MYH13: variants seen among roughly 807,000 people sequenced by gnomAD.
MYH13 encodes the protein myosin-13.
In MYH13, 177 loss-of-function variants were observed where a neutral mutation model predicts 232.1. That is an observed-to-expected ratio of 0.76 (90% CI 0.67 to 0.86). The LOEUF is 0.86. Ranked by LOEUF, MYH13 falls within the 40% of genes least tolerant of loss-of-function variation. The probability of loss-of-function intolerance (pLI) is 0.00; values close to 1 mark genes in which losing one functional copy is unlikely to be tolerated. For synonymous variants in MYH13, 884 were observed against 923.5 expected (o/e 0.96, Z 0.78); for missense variants, 2,246 against 2,405.9 (o/e 0.93, Z 1.39).
intron 7 of MYH13, among the ~76,000 whole-genome samples, chr17:10,359,640 T>A (rs987369590): frequency 2.0e-5 from 3 of 152,198 alleles, no homozygotes; most frequent in African/African-American, 7.2e-5. Context: ...GTCCCTGGTA[T>A]CCAAAGTGGG....
rs779678207 is a variant in MYH13, at chr17:10,354,889, G to C, written c.901+6C>G. ...GGAACATAAGAAAGGTATTCCAAGA[G>C]CTTACCAATTAGTTCTGGCTTCTTG... On this transcript the variant is annotated splice_donor_region_variant and intron_variant, in intron 10 of 40. Coordinates refer to ENST00000252172, the MANE Select transcript of MYH13 (RefSeq NM_003802.3). The C allele has an allele frequency of 2.6e-5, 42 of 1,594,902 alleles. No individual in the cohort carries two copies. In the Admixed American group the frequency reaches 6.8e-4, roughly 26 times the overall value.
At position 10,309,275 on chromosome 17, in the gene MYH13, G is replaced by A; in HGVS notation, c.5128C>T (p.Leu1710=). The stretch of plus-strand genomic sequence containing the variant: ...TGCACGCGGTCGCTGGCGTCCAGCA[G>A]CTCCTGCTCTGACAGCCTGCGGGTC... ...ERTRRLSEQE[L]LDASDRVQLL... The change falls in exon 35 of 41, where the codon CTG becomes TTG. Residue 1710 remains leucine (L), a synonymous_variant. Coordinates refer to ENST00000252172, the MANE Select transcript of MYH13 (RefSeq NM_003802.3). 6.2e-7 allele frequency: 1 copy of A among 1,613,818 alleles called. No individual in the cohort carries two copies. The highest frequency in any genetic ancestry group is 8.5e-7 in the Non-Finnish European group (1 of 1,179,850).
intron 12 of MYH13, 110 bp downstream of exon 12, chr17:10,350,446 T>C: frequency 6.8e-7 from 1 of 1,464,092 alleles, no homozygotes; most frequent in South Asian, 1.3e-5. Context: ...ATTTGATTTA[T>C]GCAGTTTTGG....
At chr17:10,323,365 G>A (rs1050982622) in intron 23 of MYH13, among the ~76,000 whole-genome samples, 2 of 152,096 alleles carry the variant, frequency 1.3e-5, no homozygotes, top group Non-Finnish European at 2.9e-5. Flanking sequence ...AGGCCTTCTT[G>A]TTTGCAATCC....
At chr17:10,315,595 C>A in intron 29 of MYH13, 98 bp downstream of exon 29, 1 of 1,083,592 alleles carries the variant, frequency 9.2e-7, no homozygotes, top group Non-Finnish European at 1.3e-6. Context: ...TGCCCAGCTG[C>A]AGCAGATTTC....
In MYH13 at chr17:10,328,062, G is replaced by A. The variant is rs1907278547; in HGVS notation, c.2495C>T (p.Pro832Leu). The part of the protein sequence containing the change: ...IRSFMNVKHW[P>L]WMNLFFKIKP... Reference sequence around the variant, plus strand: ...GATTTTGAAGAACAGGTTCATCCAGGGCCAGTGCTTGACGTTCATAAAAGA... The same window carrying A: ...GATTTTGAAGAACAGGTTCATCCAGAGCCAGTGCTTGACGTTCATAAAAGA... Residue 832 changes from proline to leucine, a missense_variant, in exon 22 of 41, where the codon CCC becomes CTC. Transcript: ENST00000252172. 6.2e-7 allele frequency: 1 copy of A among 1,613,976 alleles called. No homozygotes were observed. The highest frequency in any genetic ancestry group is 1.3e-5 in the African/African-American group (1 of 74,890).
chr17:10,354,722 C>G lies in MYH13; in HGVS notation c.963G>C (p.Thr321=), dbSNP rs200187139. ...CTTCACTGTCATCGATACTGGCTAC[C>G]GTGACCTCTCCTTGGCTCACGAAGG... ...DFPFVSQGEV[T]VASIDDSEEL... The change falls in exon 11 of 41, where the codon ACG becomes ACC. Residue 321 remains threonine (T), a synonymous_variant. Transcript: ENST00000252172. 2 of 1,613,784 alleles carry G rather than the reference C, an allele frequency of 1.2e-6. No individual in the cohort carries two copies. The highest frequency in any genetic ancestry group is 2.2e-5 in the East Asian group (1 of 44,884).
intron 8 of MYH13, 115 bp downstream of exon 8, chr17:10,357,620 T>C (rs2071758768): frequency 1.2e-6 from 1 of 844,188 alleles, no homozygotes; most frequent in Admixed American, 2.3e-5. Context: ...CTCAATCACT[T>C]GGGGGTAGAA....
At chr17:10,309,114 C>T (rs750400514) in intron 35 of MYH13, 120 bp downstream of exon 35, 4 of 1,017,074 alleles carry the variant, frequency 3.9e-6, no homozygotes, top group African/African-American at 1.6e-5. Flanking sequence ...TGGGAGAAAC[C>T]GGGTGCTCCT....
intron 35 of MYH13, among the ~76,000 whole-genome samples, chr17:10,308,590 G>C (rs948951661): frequency 5.3e-5 from 8 of 151,636 alleles, no homozygotes; most frequent in African/African-American, 1.9e-4. Flanking sequence ...GCCTAAGAAT[G>C]AGAGACCCCA....
intron 2 of MYH13, among the ~76,000 whole-genome samples, chr17:10,370,886 A>T (rs1031672856): frequency 1.3e-5 from 2 of 152,174 alleles, no homozygotes; most frequent in African/African-American, 4.8e-5. Context: ...CAGCAAAGTT[A>T]GCCTTTGTGT....
rs752953353 is a variant in MYH13, at chr17:10,319,034, A to G, written c.3494T>C (p.Ile1165Thr). The change falls in exon 27 of 41, where the codon ATT becomes ACT. Residue 1165 changes from isoleucine to threonine, a missense_variant. Ile to Thr is a moderately conservative substitution (Grantham distance 89, BLOSUM62 -1). Transcript: ENST00000252172. ...EEASGATSAQ[I>T]EMNKKREAEF... ...AGCCTCCCTCTTCTTGTTCATCTCA[A>G]TCTGGGCTGAAGTGGCCCCACTGGC... 2.5e-6 allele frequency: 4 copies of G among 1,613,710 alleles called. No homozygotes were observed. Among genetic ancestry groups the G allele is most frequent in the East Asian group, 4.5e-5 (2 of 44,870 alleles).
At chr17:10,314,667 A>G (rs1906637468) in intron 29 of MYH13, among the ~76,000 whole-genome samples, 2 of 152,202 alleles carry the variant, frequency 1.3e-5, no homozygotes, top group Admixed American at 6.5e-5. Flanking sequence ...AAATTCCAAA[A>G]GATTGCCCTA....
chr17:10,359,496 A>C (rs190153210), intron 7 of MYH13, among the ~76,000 whole-genome samples: 1 of 152,278 alleles, frequency 6.6e-6, no homozygotes, highest in East Asian at 1.9e-4. Context: ...CCTTTATAAC[A>C]AACTGGCAAA....
At chr17:10,344,793 C>T (rs1178730501) in intron 15 of MYH13, among the ~76,000 whole-genome samples, 1 of 147,052 alleles carries the variant, frequency 6.8e-6, no homozygotes. Context: ...TGCACTCCAG[C>T]CTGGGTGACA....
chr17:10,346,966 C>G (rs2071671430), intron 12 of MYH13, among the ~76,000 whole-genome samples, 168 bp from the exon 13 acceptor site: 1 of 152,166 alleles, frequency 6.6e-6, no homozygotes, highest in African/African-American at 2.4e-5. Context: ...ATCCCATATC[C>G]AGGGGCCCAT....
intron 2 of MYH13, among the ~76,000 whole-genome samples, chr17:10,366,960 GTTT>G (rs1363426625): frequency 2.0e-5 from 3 of 152,182 alleles, no homozygotes; most frequent in Non-Finnish European, 4.4e-5. Context: ...TCATGGTTAG[GTTT>G]TCATAGTAAG....
chr17:10,318,165 C>T (rs1033471519), intron 27 of MYH13, among the ~76,000 whole-genome samples: 1 of 152,200 alleles, frequency 6.6e-6, no homozygotes, highest in Non-Finnish European at 1.5e-5. Context: ...TTGCTTGAAC[C>T]TGGGAGGTAG....
chr17:10,307,533 C>T (rs1447943191), intron 35 of MYH13, among the ~76,000 whole-genome samples: 1 of 151,776 alleles, frequency 6.6e-6, no homozygotes, highest in Non-Finnish European at 1.5e-5. Context: ...AGGGCAAAAA[C>T]TACAAATGGG....
Sources: gnomAD v4.1 joint callset for allele counts (sites outside exome capture counted in the v4.1 genomes callset) on GRCh38, gnomAD v4.1.1 for gene constraint, MANE v1.5 for transcripts, NCBI Gene and HGNC (gene_info 2026-07-23, HGNC 2026-07-21) for gene names.